PRKX: variants seen among roughly 807,000 people sequenced by gnomAD.
PRKX encodes the protein protein kinase cAMP-dependent X-linked catalytic subunit, also known as cAMP-dependent protein kinase catalytic subunit PRKX.
PRKX carries 12 observed loss-of-function variants against 22.0 expected under a neutral mutation model. That is an observed-to-expected ratio of 0.54 (90% CI 0.35 to 0.88). The LOEUF is 0.88. Ranked by LOEUF, PRKX falls within the 40% of genes least tolerant of loss-of-function variation. PRKX has a pLI of 0.01. For synonymous variants in PRKX, 134 were observed against 137.7 expected (o/e 0.97, Z 0.19); for missense variants, 217 against 308.0 (o/e 0.70, Z 2.21).
intron 8 of PRKX, among the ~76,000 whole-genome samples, chrX:3,610,553 G>T (rs138239409): frequency 0.092 from 10,230 of 110,640 alleles, 470 homozygotes; most frequent in Non-Finnish European, 0.14. Context: ...ATTCCACTTA[G>T]CAAAAATAAT....
intron 4 of PRKX, among the ~76,000 whole-genome samples, chrX:3,636,721 G>A (rs767526255): frequency 2.7e-5 from 3 of 111,951 alleles, no homozygotes; most frequent in African/African-American, 6.5e-5. Context: ...TTAGCTGGGC[G>A]TGGTGGCGCA....
At chrX:3,713,034 TC>T (rs1928824913) in intron 1 of PRKX, 53 bp downstream of exon 1, 4 of 1,116,630 alleles carry the variant, frequency 3.6e-6, no homozygotes, top group Admixed American at 5.8e-5. Flanking sequence ...TACTACAACG[TC>T]CCGGCCACGC....
intron 4 of PRKX, among the ~76,000 whole-genome samples, chrX:3,640,472 G>A (rs62583666): frequency 0.17 from 18,502 of 111,463 alleles, 1,356 homozygotes; most frequent in East Asian, 0.33. Context: ...CAAGTGTTGC[G>A]TGCTTCCTTT....
intron 1 of PRKX, among the ~76,000 whole-genome samples, chrX:3,689,043 C>G (rs1201658204): frequency 1.8e-5 from 2 of 112,153 alleles, no homozygotes; most frequent in East Asian, 2.8e-4. Context: ...CACTATATAA[C>G]TTTCTCACCT....
intron 3 of PRKX, among the ~76,000 whole-genome samples, chrX:3,654,011 CTA>C (rs1233650795): frequency 1.4e-3 from 90 of 65,533 alleles, no homozygotes; most frequent in Non-Finnish European, 1.3e-3. Flanking sequence ...GTGATATATA[CTA>C]TATATATTAT....
intron 6 of PRKX, among the ~76,000 whole-genome samples, chrX:3,617,227 G>A (rs1417161575): frequency 9.7e-6 from 1 of 102,957 alleles, no homozygotes; most frequent in East Asian, 2.8e-4. Flanking sequence ...ATATACACAT[G>A]TATTATATAT....
chrX:3,677,355 G>T (rs1171031703), intron 1 of PRKX, among the ~76,000 whole-genome samples: 1 of 99,366 alleles, frequency 1.0e-5, no homozygotes, highest in African/African-American at 3.8e-5. Flanking sequence ...TTGAGACAGG[G>T]TCTCTCTCTG....
At chrX:3,629,554 A>G (rs1478415851) in intron 4 of PRKX, among the ~76,000 whole-genome samples, 1 of 110,513 alleles carries the variant, frequency 9.0e-6, no homozygotes, top group Non-Finnish European at 1.9e-5. Flanking sequence ...CACCACACCC[A>G]TTACTGAATT....
At chrX:3,626,704 G>A (rs774350998) in intron 4 of PRKX, among the ~76,000 whole-genome samples, 190 bp from the exon 5 acceptor site, 33 of 112,300 alleles carry the variant, frequency 2.9e-4, no homozygotes, top group African/African-American at 9.7e-4. Flanking sequence ...GCAAGGCATC[G>A]TGTGCCACAG....
rs1396992522 is a variant in PRKX at position 3,608,212 on chromosome X, GT to G, written c.*756del. 2.7e-5 allele frequency: 3 copies of G among 110,292 alleles called. No individual in the cohort carries two copies. Among genetic ancestry groups the G allele is most frequent in the South Asian group, 3.9e-4 (1 of 2,576 alleles). 9.1% of individuals were successfully genotyped at this position (110,292 alleles called of 1,213,427 possible). The stretch of plus-strand genomic sequence containing the variant: ...GAAATTTTTGAATGTGTCACAGAAG[GT>G]TTTTTTAAATACAGTACATTCCTCC... On this transcript the variant is annotated 3_prime_UTR_variant, in exon 9 of 9. Coordinates refer to ENST00000262848, the MANE Select transcript of PRKX (RefSeq NM_005044.5).
At chrX:3,646,027 G>C (rs1927180459) in intron 3 of PRKX, among the ~76,000 whole-genome samples, 1 of 112,197 alleles carries the variant, frequency 8.9e-6, no homozygotes, top group Admixed American at 9.5e-5. Context: ...AGGCACGGTG[G>C]TTCATGCCTA....
At chrX:3,616,143 C>A (rs1389860015) in intron 6 of PRKX, among the ~76,000 whole-genome samples, 1 of 111,213 alleles carries the variant, frequency 9.0e-6, no homozygotes, top group Non-Finnish European at 1.9e-5. Flanking sequence ...CATTTGCATT[C>A]CGGACCAAAG....
Position 3,712,798 on chromosome X carries a change from C to A in PRKX, c.166+290G>T, listed in dbSNP as rs1238737728. Among the ~76,000 whole-genome samples, 3 of 112,660 alleles carry A rather than the reference C, an allele frequency of 2.7e-5. No individual in the cohort carries two copies. In the South Asian group the frequency reaches 1.1e-3, roughly 41 times the overall value. ...TTGTGACGTCGGACGGCCCAGGCCC[C>A]AGAGTGCTGTGTGTGCTGGGGGTGG... On this transcript the variant is annotated intron_variant, in intron 1 of 8. Transcript: ENST00000262848.
intron 1 of PRKX, among the ~76,000 whole-genome samples, chrX:3,710,201 A>C (rs1167739379): frequency 1.3e-4 from 14 of 111,869 alleles, no homozygotes; most frequent in African/African-American, 4.5e-4. Flanking sequence ...TTCTCTGAGG[A>C]CTAGTATGAC....
chrX:3,639,667 T>C (rs1286593963), intron 4 of PRKX, among the ~76,000 whole-genome samples: 1 of 109,524 alleles, frequency 9.1e-6, no homozygotes, highest in Non-Finnish European at 1.9e-5. Context: ...CATGGATAGC[T>C]AGACAATGAA....
intron 1 of PRKX, among the ~76,000 whole-genome samples, chrX:3,703,334 G>C (rs758880008): frequency 1.3e-4 from 14 of 111,859 alleles, no homozygotes; most frequent in African/African-American, 4.2e-4. Context: ...CCTGGCCACT[G>C]TATCATCTGA....
chrX:3,638,306 G>A (rs11152535), intron 4 of PRKX, among the ~76,000 whole-genome samples: 30,049 of 109,965 alleles, frequency 0.27, 3,390 homozygotes, highest in Admixed American at 0.44. Context: ...TAGTCTAATA[G>A]TTCTATGTTG....
chrX:3,621,612 G>A (rs113380683), intron 5 of PRKX, among the ~76,000 whole-genome samples: 13 of 111,994 alleles, frequency 1.2e-4, no homozygotes, highest in Middle Eastern at 4.6e-3. Context: ...TGCCTGCAGG[G>A]AGGATCCAGA....
In PRKX at chrX:3,606,651, A is replaced by T. The variant is rs1477231377; in HGVS notation, c.*2318T>A. 1 of 111,077 alleles carries T rather than the reference A, an allele frequency of 9.0e-6. No homozygotes were observed. Among genetic ancestry groups the T allele is most frequent in the Admixed American group, 9.6e-5 (1 of 10,446 alleles). The allele number at this position is 111,077 out of a possible 1,213,427, so 9.2% of individuals were successfully genotyped here. Reference sequence around the variant, plus strand: ...CGGCCTCCCAAAGTGCTGGGATTACAGGCGTGAGCCACCATGCCTGGCCAG... The same window carrying T: ...CGGCCTCCCAAAGTGCTGGGATTACTGGCGTGAGCCACCATGCCTGGCCAG... On this transcript the variant is annotated 3_prime_UTR_variant, in exon 9 of 9. Coordinates refer to ENST00000262848, the MANE Select transcript of PRKX (RefSeq NM_005044.5).
Sources: gnomAD v4.1 joint callset for allele counts (sites outside exome capture counted in the v4.1 genomes callset) on GRCh38, gnomAD v4.1.1 for gene constraint, MANE v1.5 for transcripts, NCBI Gene and HGNC (gene_info 2026-07-23, HGNC 2026-07-21) for gene names.